The following TMPRSS15 variants were observed in gnomAD, a reference collection of about 807,000 sequenced individuals.
TMPRSS15 encodes enteropeptidase.
TMPRSS15 carries 128 observed loss-of-function variants against 125.3 expected under a neutral mutation model. The ratio of observed to expected loss-of-function variants is 1.02; its 90% CI spans 0.89 to 1.18. The LOEUF (loss-of-function observed/expected upper bound fraction) is 1.18, where lower values mean the gene tolerates loss of function less well. TMPRSS15 is among the 50% of genes most tolerant of loss of function. The probability of loss-of-function intolerance (pLI) is 0.00; values close to 1 mark genes in which losing one functional copy is unlikely to be tolerated. For missense variants in TMPRSS15, 1,283 were observed against 1,212.7 expected, an observed-to-expected ratio of 1.06 and a Z score of -0.86; for synonymous variants, 446 against 423.2, an observed-to-expected ratio of 1.05 and a Z score of -0.66.
Position 18,269,663 on chromosome 21 carries a change from T to G in TMPRSS15, c.*306A>C, listed in dbSNP as rs1045189455. On this transcript the variant is annotated 3_prime_UTR_variant, in exon 25 of 25. Coordinates refer to ENST00000284885, the MANE Select transcript of TMPRSS15 (RefSeq NM_002772.3). ...GGTATATGCTTTAAAATAACATCCC[T>G]TTAAACAACAGTAAGTAATAAAAAT... is the stretch of plus-strand genomic sequence containing the variant. 1.7e-5 allele frequency: 5 copies of G among 300,102 alleles called. No individual in the cohort carries two copies. The highest frequency in any genetic ancestry group is 2.5e-5 in the Non-Finnish European group (4 of 157,020). 18.6% of individuals were successfully genotyped at this position (300,102 alleles called of 1,614,324 possible). A position where few individuals can be genotyped will look rare whatever the true frequency, so the allele number is the denominator to read the frequency against.
intron 16 of TMPRSS15, among the ~76,000 whole-genome samples, chr21:18,324,171 T>C (rs534454106): frequency 8.5e-4 from 130 of 152,308 alleles, no homozygotes; most frequent in African/African-American, 3.0e-3. Flanking sequence ...AATTTTTCTT[T>C]CATTGTATCT....
At chr21:18,270,445 C>A (rs74810701) in intron 24 of TMPRSS15, among the ~76,000 whole-genome samples, 7 of 152,064 alleles carry the variant, frequency 4.6e-5, no homozygotes, top group Non-Finnish European at 7.4e-5. Context: ...GCATCCCAAA[C>A]AAAATATTTA....
At chr21:18,294,721 G>T (rs988156568) in intron 19 of TMPRSS15, 69 bp from the exon 20 acceptor site, 4 of 1,362,838 alleles carry the variant, frequency 2.9e-6, no homozygotes, top group South Asian at 1.2e-5. Flanking sequence ...CATCATATAG[G>T]TTATCCTACT....
intron 3 of TMPRSS15, among the ~76,000 whole-genome samples, chr21:18,392,648 C>T (rs906548574): frequency 2.6e-5 from 4 of 152,170 alleles, no homozygotes; most frequent in African/African-American, 9.7e-5. Flanking sequence ...GGCAGTACCC[C>T]ATTCCTGGTG....
intron 4 of TMPRSS15, among the ~76,000 whole-genome samples, chr21:18,383,242 A>G (rs2075910305): frequency 1.5e-5 from 2 of 137,190 alleles, no homozygotes; most frequent in Admixed American, 7.3e-5. Flanking sequence ...ACACTCTCAG[A>G]ATCTCCTTGG....
intron 6 of TMPRSS15, among the ~76,000 whole-genome samples, chr21:18,371,486 A>G (rs1038383013): frequency 6.6e-6 from 1 of 152,224 alleles, no homozygotes; most frequent in Non-Finnish European, 1.5e-5. Flanking sequence ...AAAAGAGTAA[A>G]TACGTTTAAA....
chr21:18,336,651 T>C (rs1390638192), intron 13 of TMPRSS15, among the ~76,000 whole-genome samples: 2 of 152,190 alleles, frequency 1.3e-5, no homozygotes, highest in Non-Finnish European at 2.9e-5. Context: ...ACGTAGGCTA[T>C]TAGTTTGCTT....
At chr21:18,448,944 C>G (rs182436342) in intron 1 of TMPRSS15, among the ~76,000 whole-genome samples, 165 of 152,076 alleles carry the variant, frequency 1.1e-3, no homozygotes, top group East Asian at 1.9e-4. Flanking sequence ...TTTTTTGAAA[C>G]AGACAAACTG....
At chr21:18,407,802 G>A (rs971153960), upstream of TMPRSS15, among the ~76,000 whole-genome samples, 3 of 152,050 alleles carry the variant, frequency 2.0e-5, no homozygotes, top group Admixed American at 6.6e-5. Context: ...ACATTTAACC[G>A]TATAAGATAA....
At chr21:18,466,043 G>A (rs1978653157) in intron 1 of TMPRSS15, among the ~76,000 whole-genome samples, 1 of 152,256 alleles carries the variant, frequency 6.6e-6, no homozygotes, top group East Asian at 1.9e-4. Flanking sequence ...AAAATAGCAT[G>A]GTACTGGTAC....
At chr21:18,386,198 T>C (rs1212866804) in intron 3 of TMPRSS15, among the ~76,000 whole-genome samples, 3 of 152,178 alleles carry the variant, frequency 2.0e-5, no homozygotes, top group Non-Finnish European at 4.4e-5. Flanking sequence ...GCCAATATTT[T>C]CATTTTAGCA....
At chr21:18,275,411 C>A (rs1009905624) in intron 23 of TMPRSS15, 75 bp from the exon 24 acceptor site, 2 of 1,543,522 alleles carry the variant, frequency 1.3e-6, no homozygotes, top group East Asian at 2.2e-5. Context: ...ACCATCAGTC[C>A]TATTTATTCC....
intron 8 of TMPRSS15, among the ~76,000 whole-genome samples, chr21:18,355,473 G>T (rs1336759691): frequency 1.1e-4 from 17 of 151,814 alleles, no homozygotes; most frequent in Admixed American, 1.1e-3. Flanking sequence ...TGTCTGTAGA[G>T]ATTTTACAAA....
At chr21:18,457,494 A>T (rs1351203696) in intron 1 of TMPRSS15, among the ~76,000 whole-genome samples, 1 of 152,098 alleles carries the variant, frequency 6.6e-6, no homozygotes, top group Admixed American at 6.6e-5. Context: ...TGTACAGGAG[A>T]TCACTTAAGT....
At chr21:18,390,034 C>G (rs540966450) in intron 3 of TMPRSS15, among the ~76,000 whole-genome samples, 8 of 152,152 alleles carry the variant, frequency 5.3e-5, no homozygotes, top group Non-Finnish European at 1.0e-4. Flanking sequence ...TTCTTAGTAG[C>G]CCTCAATGCC....
At chr21:18,462,693 C>CA (rs1006955972) in intron 1 of TMPRSS15, among the ~76,000 whole-genome samples, 31 of 149,960 alleles carry the variant, frequency 2.1e-4, no homozygotes, top group African/African-American at 6.4e-4. Flanking sequence ...AAGTGGCTTT[C>CA]AAAAAAAAAT....
At chr21:18,314,096 T>A (rs573531719) in intron 17 of TMPRSS15, among the ~76,000 whole-genome samples, 9 of 148,166 alleles carry the variant, frequency 6.1e-5, no homozygotes, top group Admixed American at 1.4e-4. Context: ...ATGTTGTAAT[T>A]CTATAAAATA....
intron 3 of TMPRSS15, 69 bp from the exon 4 acceptor site, chr21:18,383,847 T>A (rs1205707115): frequency 1.3e-6 from 2 of 1,536,478 alleles, no homozygotes; most frequent in Non-Finnish European, 1.8e-6. Flanking sequence ...TCAATTCATG[T>A]TAAATGTCTT....
chr21:18,376,018 C>T (rs10854427), intron 5 of TMPRSS15, among the ~76,000 whole-genome samples: 72,132 of 151,956 alleles, frequency 0.47, 17,814 homozygotes, highest in East Asian at 0.78. Context: ...GATAATAGTA[C>T]TTGGTGGCCA....
Sources: gnomAD v4.1 joint callset for allele counts (sites outside exome capture counted in the v4.1 genomes callset) on GRCh38, gnomAD v4.1.1 for gene constraint, MANE v1.5 for transcripts, NCBI Gene and HGNC (gene_info 2026-07-23, HGNC 2026-07-21) for gene names.